The following KDM6B variants were observed in gnomAD, a reference collection of about 807,000 sequenced individuals.
KDM6B encodes the protein lysine-specific demethylase 6B.
KDM6B carries 22 observed loss-of-function variants against 150.4 expected under a neutral mutation model. The ratio of observed to expected loss-of-function variants is 0.15; its 90% CI spans 0.10 to 0.21. The LOEUF (loss-of-function observed/expected upper bound fraction) is 0.21, where lower values mean the gene tolerates loss of function less well. Among genes scored for constraint, KDM6B ranks in the 10% least tolerant of loss-of-function variants. The pLI, the probability that KDM6B is intolerant of heterozygous loss-of-function variation, is 1.00. For missense variants in KDM6B, 1,984 were observed against 2,234.3 expected (o/e 0.89, Z 2.26); for synonymous variants, 1,148 against 921.1 (o/e 1.25, Z -4.46).
Position 7,847,158 on chromosome 17 carries a change from C to G in KDM6B, c.963C>G (p.Thr321=). The change falls in exon 11 of 24, where the codon ACC becomes ACG. Residue 321 remains threonine (T), a synonymous_variant. Transcript: ENST00000448097. The stretch of plus-strand genomic sequence containing the variant: ...ATCCATACCCAGCTCCAGCGTACAC[C>G]GCGCACCCCCCTGGCCACCGGCTGG... The part of the protein sequence containing the change: ...HPYPYPAPAY[T]AHPPGHRLVP... The G allele has an allele frequency of 6.2e-7, 1 of 1,607,406 alleles. No individual in the cohort carries two copies. Among genetic ancestry groups the G allele is most frequent in the Non-Finnish European group, 8.5e-7 (1 of 1,179,868 alleles).
At chr17:7,841,055 A>G (rs1597822803) in intron 2 of KDM6B, among the ~76,000 whole-genome samples, 1 of 152,214 alleles carries the variant, frequency 6.6e-6, no homozygotes, top group East Asian at 1.9e-4. Flanking sequence ...CTTCACTTGC[A>G]GAATGACTTT....
At chr17:7,851,264 G>C in intron 15 of KDM6B, 38 bp downstream of exon 15, 2 of 1,613,538 alleles carry the variant, frequency 1.2e-6, no homozygotes, top group Non-Finnish European at 1.7e-6. Context: ...GTCCTGGGAC[G>C]GGGCTGCGGT....
rs1016173978 is a variant in KDM6B at position 7,834,227 on chromosome 17, G to T, written c.-511G>T. On this transcript the variant is annotated 5_prime_UTR_variant, in exon 1 of 24. Transcript: ENST00000448097. Reference sequence around the variant, plus strand: ...AGCGGGGGTGCGGGTGTTTGTGTTGGAAAATCCAACTGCGCCACTGGGCGG... The same window carrying T: ...AGCGGGGGTGCGGGTGTTTGTGTTGTAAAATCCAACTGCGCCACTGGGCGG... 2.0e-5 allele frequency among the ~76,000 whole-genome samples: 3 copies of T among 151,512 alleles called. No homozygotes were observed. Among genetic ancestry groups the T allele is most frequent in the Middle Eastern group, 3.4e-3 (1 of 290 alleles).
chr17:7,848,538 C>T lies in KDM6B; in HGVS notation c.2250C>T (p.Ala750=), dbSNP rs756768687. The change falls in exon 12 of 24, where the codon GCC becomes GCT. Residue 750 remains alanine (A), a synonymous_variant. Coordinates refer to ENST00000448097, the MANE Select transcript of KDM6B (RefSeq NM_001348716.2). ...CCACCACTACTGCTCCTGCTGTCGC[C>T]GTCACCACCACCACCACCACCACCA... ...TAPTTTAPAV[A]VTTTTTTTTT... is the part of the protein sequence containing the mutation. 29 of 1,608,884 alleles carry T rather than the reference C, an allele frequency of 1.8e-5. No individual in the cohort carries two copies. The East Asian group carries it at 3.1e-4, about 17-fold the overall frequency.
chr17:7,847,568 C>T lies in KDM6B; in HGVS notation c.1280C>T (p.Thr427Ile), dbSNP rs748594855. Residue 427 changes from threonine to isoleucine, a missense_variant, in exon 12 of 24, where the codon ACT becomes ATT. This residue lies in a region of KDM6B where 1,379 missense variants were observed against 1,275.6 expected (regional missense o/e 1.08). Coordinates refer to ENST00000448097, the MANE Select transcript of KDM6B (RefSeq NM_001348716.2). ...CAGCCCGGCGCTGACCATTACCAAA[C>T]TCCCGCGCTGGAGGTCTCTCACCAT... Reference protein sequence around the residue: ...PGIPGADHYQTPALEVSHHGR... With the variant: ...PGIPGADHYQIPALEVSHHGR... 2 of 1,613,406 alleles carry T rather than the reference C, an allele frequency of 1.2e-6. No homozygotes were observed. Among genetic ancestry groups the T allele is most frequent in the East Asian group, 2.2e-5 (1 of 44,880 alleles).
At position 7,844,277 on chromosome 17, in the gene KDM6B, A is replaced by T. The variant is rs1015403913; in HGVS notation, c.-268-624A>T. On this transcript the variant is annotated intron_variant, in intron 2 of 23. Coordinates refer to ENST00000448097, the MANE Select transcript of KDM6B (RefSeq NM_001348716.2). This position sits in a 1 kb window ranked among gnomAD's most constrained non-coding sequence, Gnocchi z 5.9. ...GACTTCTCGGAAGTTGGGGGACTAA[A>T]AGGGGTCTGATTTTGGGGGTCGGTC... The T allele has an allele frequency of 6.6e-6, 1 of 152,238 alleles. No homozygotes were observed. Among genetic ancestry groups the T allele is most frequent in the Non-Finnish European group, 1.5e-5 (1 of 68,134 alleles). The allele number at this position is 152,238 out of a possible 1,614,324, so 9.4% of individuals were successfully genotyped here. A position where few individuals can be genotyped will look rare whatever the true frequency, so the allele number is the denominator to read the frequency against.
chr17:7,847,547 C>G lies in KDM6B; in HGVS notation c.1259C>G (p.Pro420Arg). Residue 420 changes from proline to arginine, a missense_variant and splice_region_variant, in exon 12 of 24, where the codon CCC (proline) becomes CGC (arginine). Pro to Arg is a moderately radical substitution (Grantham distance 103). This residue lies in a region of KDM6B where 1,379 missense variants were observed against 1,275.6 expected (regional missense o/e 1.08). Coordinates refer to ENST00000448097, the MANE Select transcript of KDM6B (RefSeq NM_001348716.2). ...TACCACCTGCTTCTACACTTGCAGC[C>G]CGGCGCTGACCATTACCAAACTCCC... ...LRGVEPNPGI[P>R]GADHYQTPAL... is the part of the protein sequence containing the mutation. 1 of 1,613,230 alleles carries G rather than the reference C, an allele frequency of 6.2e-7. No homozygotes were observed. The highest frequency in any genetic ancestry group is 8.5e-7 in the Non-Finnish European group (1 of 1,179,936).
Position 7,853,489 on chromosome 17 carries a change from TC to T in KDM6B, c.4909-3del, listed in dbSNP as rs2078746727. ...TTTCCCTGAGCCCCCGCCGGCTTTC[TC>T]CCCCCAGGCCCCAGCCAGCACGTCG... On this transcript the variant is annotated splice_region_variant and splice_polypyrimidine_tract_variant and intron_variant, in intron 23 of 23. Transcript: ENST00000448097. 4.7e-6 allele frequency: 7 copies of T among 1,502,652 alleles called. No individual in the cohort carries two copies. Among genetic ancestry groups the T allele is most frequent in the South Asian group, 2.5e-5 (2 of 79,646 alleles). The allele number at this position is 1,502,652 out of a possible 1,614,324, so 93.1% of individuals were successfully genotyped here.
In KDM6B at chr17:7,846,799, C is replaced by G. The variant is rs764640899; in HGVS notation, c.712-20C>G. The G allele has an allele frequency of 5.0e-6, 8 of 1,613,764 alleles. No individual in the cohort carries two copies. The highest frequency in any genetic ancestry group is 6.8e-6 in the Non-Finnish European group (8 of 1,179,934). ...AGGCAGGACTTGGGAATGGGATTCTCACACTCTCTTCTCTCCTAGACTGGC... is the reference window on the plus strand; with the variant it reads ...AGGCAGGACTTGGGAATGGGATTCTGACACTCTCTTCTCTCCTAGACTGGC... On this transcript the variant is annotated intron_variant, in intron 9 of 23. Transcript: ENST00000448097.
chr17:7,837,505 G>T (rs117817640), intron 1 of KDM6B, among the ~76,000 whole-genome samples: 1 of 152,174 alleles, frequency 6.6e-6, no homozygotes, highest in Non-Finnish European at 1.5e-5. Context: ...AAGTCCCAGG[G>T]TTGGTGATGG....
chr17:7,848,106 G>C lies in KDM6B; in HGVS notation c.1818G>C (p.Leu606=). 6.2e-7 allele frequency: 1 copy of C among 1,611,846 alleles called. No homozygotes were observed. The highest frequency in any genetic ancestry group is 8.5e-7 in the Non-Finnish European group (1 of 1,179,516). ...DPPLVPLTLA[L]PPAPPSSCHQ... is the part of the protein sequence containing the mutation. Reference sequence around the variant, plus strand: ...CTCTTGTACCCCTGACTCTTGCCCTGCCTCCAGCCCCTCCTTCCTCCTGCC... The same window carrying C: ...CTCTTGTACCCCTGACTCTTGCCCTCCCTCCAGCCCCTCCTTCCTCCTGCC... Residue 606 remains leucine (L), a synonymous_variant, in exon 12 of 24, where the codon CTG becomes CTC. Transcript: ENST00000448097.
chr17:7,834,909 C>A (rs1257033962), intron 1 of KDM6B, among the ~76,000 whole-genome samples: 3 of 152,164 alleles, frequency 2.0e-5, no homozygotes, highest in East Asian at 3.9e-4. Context: ...CTCCGTCTCG[C>A]CCCGCTAGCC....
chr17:7,850,023 CTG>C (rs761586227), intron 13 of KDM6B, 47 bp from the exon 14 acceptor site: 1 of 1,613,440 alleles, frequency 6.2e-7, no homozygotes, highest in Non-Finnish European at 8.5e-7. Flanking sequence ...CTGGGGTGCT[CTG>C]AGCCTGGGCC....
Position 7,849,503 on chromosome 17 carries a change from A to G in KDM6B, c.3215A>G (p.Lys1072Arg). The change falls in exon 12 of 24, where the codon AAG (lysine) becomes AGG (arginine). Residue 1072 changes from lysine to arginine, a missense_variant. This residue lies in a region of KDM6B where 1,379 missense variants were observed against 1,275.6 expected (regional missense o/e 1.08). Transcript: ENST00000448097. Reference protein sequence around the residue: ...PTPPSASVPGKKAREEAPGPP... With the variant: ...PTPPSASVPGRKAREEAPGPP... ...CCCCCGTCAGCCTCTGTCCCTGGAA[A>G]GAAGGCTCGGGAGGAAGCCCCAGGG... 2 of 1,612,874 alleles carry G rather than the reference A, an allele frequency of 1.2e-6. No homozygotes were observed. Among genetic ancestry groups the G allele is most frequent in the African/African-American group, 1.3e-5 (1 of 75,050 alleles).
At chr17:7,836,261 C>T (rs1403853311) in intron 1 of KDM6B, among the ~76,000 whole-genome samples, 1 of 152,224 alleles carries the variant, frequency 6.6e-6, no homozygotes, top group African/African-American at 2.4e-5. Context: ...CCATTCCTAA[C>T]GTTTCCTCCT....
chr17:7,847,829 CTGCCCCA>C lies in KDM6B; in HGVS notation c.1542_1548del (p.Ala515HisfsTer65). 2.0e-6 allele frequency: 3 copies of C among 1,485,362 alleles called. No individual in the cohort carries two copies. Among genetic ancestry groups the C allele is most frequent in the Non-Finnish European group, 1.8e-6 (2 of 1,088,768 alleles). The allele number at this position is 1,485,362 out of a possible 1,614,324, so 92.0% of individuals were successfully genotyped here. On this transcript the variant is annotated frameshift_variant, in exon 12 of 24. Coordinates refer to ENST00000448097, the MANE Select transcript of KDM6B (RefSeq NM_001348716.2). LOFTEE classifies it high-confidence loss of function. ...TTTGGGACTGAGGGACCCCCCCGCCCTGCCCCACCACCCCTCCCCCATCGCGAGGGCT... is the reference window on the plus strand; with the variant it reads ...TTTGGGACTGAGGGACCCCCCCGCCCCCACCCCTCCCCCATCGCGAGGGCT...
intron 7 of KDM6B, 30 bp from the exon 8 acceptor site, chr17:7,846,370 T>TGGGCCGGC: frequency 6.7e-7 from 1 of 1,501,962 alleles, no homozygotes; most frequent in Non-Finnish European, 9.1e-7. Flanking sequence ...ACCTGACATC[T>TGGGCCGGC]GCCCCTGCCC....
Position 7,845,550 on chromosome 17 carries a change from G to A in KDM6B, c.-5G>A, listed in dbSNP as rs758356934. On this transcript the variant is annotated splice_region_variant and 5_prime_UTR_variant, in exon 5 of 24. Coordinates refer to ENST00000448097, the MANE Select transcript of KDM6B (RefSeq NM_001348716.2). ...GCATAATTTCTTATCCCCAACTCAG[G>A]CTGGATGCATCGGGCAGTGGACCCT... The A allele has an allele frequency of 2.5e-6, 4 of 1,613,988 alleles. No homozygotes were observed. Among genetic ancestry groups the A allele is most frequent in the Non-Finnish European group, 2.5e-6 (3 of 1,180,028 alleles).
chr17:7,851,855 G>C, intron 18 of KDM6B, 59 bp downstream of exon 18: 3 of 1,567,954 alleles, frequency 1.9e-6, no homozygotes, highest in East Asian at 2.4e-5. Flanking sequence ...GCTGGCGGCG[G>C]CGCTCAGCCG....
Sources: allele counts gnomAD v4.1 joint callset (sites outside exome capture counted in the v4.1 genomes callset), GRCh38; gene constraint gnomAD v4.1.1; regional missense constraint gnomAD v4.1.1; non-coding constraint Gnocchi (gnomAD v3.1); transcripts MANE v1.5; gene names NCBI Gene and HGNC (gene_info 2026-07-23, HGNC 2026-07-21).